The following ARFGEF3 variants were observed in gnomAD, a reference collection of about 807,000 sequenced individuals.
ARFGEF3 encodes the protein ARFGEF family member 3.
ARFGEF3 carries 96 observed loss-of-function variants against 221.7 expected under a neutral mutation model. That is an observed-to-expected ratio of 0.43 (90% CI 0.37 to 0.51). The LOEUF (loss-of-function observed/expected upper bound fraction) is 0.51, where lower values mean the gene tolerates loss of function less well. Ranked by LOEUF, ARFGEF3 falls within the 20% of genes least tolerant of loss-of-function variation. The pLI is 0.00. For missense variants in ARFGEF3, 2,410 were observed against 2,789.9 expected, an observed-to-expected ratio of 0.86 and a Z score of 3.07; for synonymous variants, 1,145 against 1,126.8, an observed-to-expected ratio of 1.02 and a Z score of -0.32.
At chr6:138,188,307 C>G (rs535059202) in intron 2 of ARFGEF3, among the ~76,000 whole-genome samples, 2 of 152,094 alleles carry the variant, frequency 1.3e-5, no homozygotes, top group East Asian at 3.9e-4. Flanking sequence ...GACTTAGGTT[C>G]CCCCCCTCCG....
At chr6:138,294,757 T>G in intron 20 of ARFGEF3, among the ~76,000 whole-genome samples, 1 of 152,134 alleles carries the variant, frequency 6.6e-6, no homozygotes, top group South Asian at 2.1e-4. Context: ...TGCTCATAGA[T>G]GGAATTGTTC....
rs2114714318 is a variant in ARFGEF3 at position 138,342,818 on chromosome 6, T to C, written c.*6332T>C. 6.6e-6 allele frequency: 1 copy of C among 152,322 alleles called. No individual in the cohort carries two copies. Among genetic ancestry groups the C allele is most frequent in the East Asian group, 1.9e-4 (1 of 5,190 alleles). 9.4% of individuals were successfully genotyped at this position (152,322 alleles called of 1,614,324 possible). A position where few individuals can be genotyped will look rare whatever the true frequency, so the allele number is the denominator to read the frequency against. On this transcript the variant is annotated 3_prime_UTR_variant, in exon 34 of 34. Transcript: ENST00000251691. ...ATGAGATGAGACTACTTGTTGTACCTTCATCTTTCATTTAATTTTCTGGCG... is the reference window on the plus strand; with the variant it reads ...ATGAGATGAGACTACTTGTTGTACCCTCATCTTTCATTTAATTTTCTGGCG...
chr6:138,166,744 T>A (rs908822548), intron 1 of ARFGEF3, among the ~76,000 whole-genome samples: 1 of 152,154 alleles, frequency 6.6e-6, no homozygotes, highest in African/African-American at 2.4e-5. Context: ...ACTTTTAGTA[T>A]TTTATATCTA....
chr6:138,185,217 C>T (rs1777159361), intron 2 of ARFGEF3, among the ~76,000 whole-genome samples: 1 of 152,192 alleles, frequency 6.6e-6, no homozygotes, highest in African/African-American at 2.4e-5. Flanking sequence ...CTTGGAGCAG[C>T]TATAGCTGTT....
At chr6:138,183,361 G>A (rs1246160597) in intron 2 of ARFGEF3, among the ~76,000 whole-genome samples, 1 of 152,220 alleles carries the variant, frequency 6.6e-6, no homozygotes, top group African/African-American at 2.4e-5. Context: ...GTCAACAGGA[G>A]GATTTGATTA....
intron 12 of ARFGEF3, among the ~76,000 whole-genome samples, chr6:138,269,635 C>T (rs538698450): frequency 1.1e-3 from 162 of 152,036 alleles, no homozygotes; most frequent in Non-Finnish European, 1.0e-3. Context: ...ATGGAGAAAC[C>T]CCGTCTGTAC....
At position 138,337,389 on chromosome 6, in the gene ARFGEF3, C is replaced by G. The variant is rs1780347477; in HGVS notation, c.*903C>G. ...TTCCATTTCCATGCCCCACAATTGT[C>G]TGAACATAAGGTATAGCATTTGGTT... is the stretch of plus-strand genomic sequence containing the variant. On this transcript the variant is annotated 3_prime_UTR_variant, in exon 34 of 34. Transcript: ENST00000251691. 6.6e-6 allele frequency: 1 copy of G among 152,566 alleles called. No homozygotes were observed. The highest frequency in any genetic ancestry group is 2.4e-5 in the African/African-American group (1 of 41,418). The allele number at this position is 152,566 out of a possible 1,614,324, so 9.5% of individuals were successfully genotyped here. A position where few individuals can be genotyped will look rare whatever the true frequency, so the allele number is the denominator to read the frequency against.
At chr6:138,190,310 C>T (rs914507283) in intron 2 of ARFGEF3, among the ~76,000 whole-genome samples, 1 of 151,942 alleles carries the variant, frequency 6.6e-6, no homozygotes, top group African/African-American at 2.4e-5. Context: ...GAAGCACTAA[C>T]CTTGCCAGGA....
chr6:138,317,120 C>A, intron 26 of ARFGEF3, 131 bp from the exon 27 acceptor site: 1 of 892,024 alleles, frequency 1.1e-6, no homozygotes, highest in Non-Finnish European at 1.7e-6. Flanking sequence ...CCACTGAAGG[C>A]TAACAACACT....
At chr6:138,237,390 A>G (rs187701461) in intron 5 of ARFGEF3, among the ~76,000 whole-genome samples, 2 of 152,290 alleles carry the variant, frequency 1.3e-5, no homozygotes, top group Non-Finnish European at 2.9e-5. Flanking sequence ...TGCCTTATGG[A>G]GAGAAAAAAA....
chr6:138,247,273 CCTAA>C (rs898106640), intron 8 of ARFGEF3, among the ~76,000 whole-genome samples: 15 of 152,190 alleles, frequency 9.9e-5, no homozygotes, highest in African/African-American at 2.7e-4. Flanking sequence ...AGATTACCAT[CCTAA>C]CTGAGGGCTC....
rs541513848 is a variant in ARFGEF3, at chr6:138,266,930, C to T, written c.2128+3319C>T. 4.0e-5 allele frequency among the ~76,000 whole-genome samples: 6 copies of T among 150,576 alleles called. No homozygotes were observed. In the South Asian group the frequency reaches 6.4e-4, roughly 16 times the overall value. On this transcript the variant is annotated intron_variant, in intron 12 of 33. Coordinates refer to ENST00000251691, the MANE Select transcript of ARFGEF3 (RefSeq NM_020340.5). ...AGCCTCTCAAGTTGTTCTTTGGAAG[C>T]GATTGGTGGATCCTTTGAGTCTCTG...
At chr6:138,280,934 T>C (rs1273893226) in intron 14 of ARFGEF3, among the ~76,000 whole-genome samples, 1 of 152,206 alleles carries the variant, frequency 6.6e-6, no homozygotes, top group Admixed American at 6.5e-5. Flanking sequence ...TTAATAATAA[T>C]GCCAAATACT....
chr6:138,222,562 A>AT, intron 4 of ARFGEF3, among the ~76,000 whole-genome samples: 1 of 152,290 alleles, frequency 6.6e-6, no homozygotes, highest in South Asian at 2.1e-4. Flanking sequence ...ACTGCCATCT[A>AT]TTGGGTAGAA....
chr6:138,269,816 AAG>A (rs1778967236), intron 12 of ARFGEF3, among the ~76,000 whole-genome samples: 1 of 149,132 alleles, frequency 6.7e-6, no homozygotes, highest in African/African-American at 2.6e-5. Flanking sequence ...TCAAAAAAAG[AAG>A]AAAAAAAAAG....
chr6:138,256,302 A>C (rs1778679723), intron 10 of ARFGEF3, among the ~76,000 whole-genome samples: 1 of 152,168 alleles, frequency 6.6e-6, no homozygotes, highest in South Asian at 2.1e-4. Flanking sequence ...GTGCTACTTC[A>C]TGGTTTTGAG....
At chr6:138,293,354 C>T (rs765635027) in intron 19 of ARFGEF3, among the ~76,000 whole-genome samples, 8 of 152,224 alleles carry the variant, frequency 5.3e-5, no homozygotes, top group Non-Finnish European at 1.0e-4. Flanking sequence ...CTGTGCTCCC[C>T]GCCTTCCTAA....
rs370230977 is a variant in ARFGEF3 at position 138,214,369 on chromosome 6, T to A, written c.351+4328T>A. 9.6e-4 allele frequency among the ~76,000 whole-genome samples: 146 copies of A among 152,352 alleles called. 2 individuals are homozygous for A. The South Asian group carries it at 0.029, about 30-fold the overall frequency. ...ATTTCCTATAAAAATCTTCCAGTCA[T>A]TTTATATAAGTATTTTGTAGGCACA... On this transcript the variant is annotated intron_variant, in intron 4 of 33. Transcript: ENST00000251691.
chr6:138,210,683 G>A (rs956811230), intron 4 of ARFGEF3, among the ~76,000 whole-genome samples: 8 of 152,252 alleles, frequency 5.3e-5, no homozygotes, highest in South Asian at 2.1e-4. Flanking sequence ...ACTCTGCCCC[G>A]TAACAGCACC....
Sources: allele counts gnomAD v4.1 joint callset (sites outside exome capture counted in the v4.1 genomes callset), GRCh38; gene constraint gnomAD v4.1.1; transcripts MANE v1.5; gene names NCBI Gene and HGNC (gene_info 2026-07-23, HGNC 2026-07-21).